Variants in ANK2 observed in about 807,000 individuals in gnomAD.
The protein encoded by ANK2 is ankyrin 2.
ANK2 carries 83 observed loss-of-function variants against 360.5 expected under a neutral mutation model. The observed-to-expected ratio is 0.23, with a 90% CI of 0.19 to 0.28. The LOEUF (loss-of-function observed/expected upper bound fraction) is 0.28, where lower values mean the gene tolerates loss of function less well. Among genes scored for constraint, ANK2 ranks in the 10% least tolerant of loss-of-function variants. The pLI is 1.00. For missense variants in ANK2, 4,201 were observed against 4,795.7 expected, an observed-to-expected ratio of 0.88 and a Z score of 3.66; for synonymous variants, 1,740 against 1,759.5, an observed-to-expected ratio of 0.99 and a Z score of 0.28.
intron 1 of ANK2, among the ~76,000 whole-genome samples, chr4:113,123,129 A>G (rs971673379): frequency 2.6e-5 from 4 of 151,914 alleles, no homozygotes; most frequent in Non-Finnish European, 5.9e-5. Flanking sequence ...TGGAATCTAA[A>G]ATCTTATACA....
chr4:113,083,571 G>A (rs1178753044), intron 1 of ANK2, among the ~76,000 whole-genome samples: 1 of 152,108 alleles, frequency 6.6e-6, no homozygotes, highest in Non-Finnish European at 1.5e-5. Context: ...CATCACTGTT[G>A]GGTATAAGGA....
In ANK2 at chr4:113,355,683, C is replaced by G; in HGVS notation, c.7065C>G (p.Thr2355=). ...EEAACDEGQR[T]FGSSAHKTQT... is the part of the protein sequence containing the mutation. ...CAGCCTGTGATGAAGGTCAACGTAC[C>G]TTTGGTAGTTCAGCCCACAAGACAC... The change falls in exon 38 of 46, where the codon ACC becomes ACG. Residue 2355 remains threonine, a synonymous_variant. Coordinates refer to ENST00000357077, the MANE Select transcript of ANK2 (RefSeq NM_001148.6). 1 of 1,614,116 alleles carries G rather than the reference C, an allele frequency of 6.2e-7. No individual in the cohort carries two copies. The highest frequency in any genetic ancestry group is 8.5e-7 in the Non-Finnish European group (1 of 1,179,988).
At chr4:113,143,135 A>G (rs1233404816) in intron 1 of ANK2, among the ~76,000 whole-genome samples, 2 of 152,172 alleles carry the variant, frequency 1.3e-5, no homozygotes, top group African/African-American at 4.8e-5. Context: ...ATATTTAGGT[A>G]TGGGAGGACA....
chr4:113,099,246 G>C (rs2092342966), intron 1 of ANK2, among the ~76,000 whole-genome samples: 1 of 117,808 alleles, frequency 8.5e-6, no homozygotes, highest in Admixed American at 8.5e-5. Flanking sequence ...TGTCTATGTA[G>C]AAAATCCCAA....
At chr4:112,991,851 T>A (rs142930063) in intron 2 of ANK2, among the ~76,000 whole-genome samples, 2 of 150,584 alleles carry the variant, frequency 1.3e-5, no homozygotes, top group East Asian at 3.9e-4. Context: ...TCAGCCAAGT[T>A]TTTTTTTTTC....
intron 1 of ANK2, among the ~76,000 whole-genome samples, chr4:113,138,251 A>C (rs1474142348): frequency 6.6e-6 from 1 of 152,212 alleles, no homozygotes; most frequent in Non-Finnish European, 1.5e-5. Context: ...TCTTTGAAAT[A>C]AAATGAATTT....
At chr4:113,111,406 T>A (rs918352940) in intron 1 of ANK2, among the ~76,000 whole-genome samples, 6 of 152,146 alleles carry the variant, frequency 3.9e-5, no homozygotes, top group African/African-American at 1.4e-4. Context: ...AATTTCTTCA[T>A]GGATAAAGGC....
chr4:113,147,107 G>A (rs1454053469), intron 1 of ANK2, among the ~76,000 whole-genome samples: 1 of 152,124 alleles, frequency 6.6e-6, no homozygotes, highest in Non-Finnish European at 1.5e-5. Flanking sequence ...GCAGTGAACA[G>A]AAAGCCCTGT....
intron 4 of ANK2, chr4:113,213,968 AT>A: frequency 5.3e-5 from 26 of 493,482 alleles, no homozygotes; most frequent in Middle Eastern, 5.3e-4. Context: ...TTTTTTTTTT[AT>A]TTTTTTTTTA....
At chr4:113,007,680 C>A (rs1163369282) in intron 2 of ANK2, among the ~76,000 whole-genome samples, 2 of 151,988 alleles carry the variant, frequency 1.3e-5, no homozygotes, top group African/African-American at 2.4e-5. Flanking sequence ...GAAATTTGTA[C>A]CTTAAACTAC....
In ANK2 at chr4:113,004,736, A is replaced by G. The variant is rs905962998; in HGVS notation, c.21+100222A>G. Among the ~76,000 whole-genome samples, 4 of 152,214 alleles carry G rather than the reference A, an allele frequency of 2.6e-5. No individual in the cohort carries two copies. In the East Asian group the frequency reaches 7.7e-4, roughly 29 times the overall value. ...TATACTGTACCTAATTGTATATGCTATTATTTCATACAACTGGCAGTGCAG... is the reference window on the plus strand; with the variant it reads ...TATACTGTACCTAATTGTATATGCTGTTATTTCATACAACTGGCAGTGCAG... On this transcript the variant is annotated intron_variant, in intron 2 of 30. Coordinates refer to the ANK2 transcript ENST00000503271.
intron 2 of ANK2, among the ~76,000 whole-genome samples, chr4:113,035,842 G>C (rs1041989583): frequency 6.6e-6 from 1 of 151,864 alleles, no homozygotes; most frequent in Admixed American, 6.6e-5. Context: ...TTTTATACTG[G>C]ATATGAGAAA....
At chr4:112,726,475 A>G in the ANK2 span, among the ~76,000 whole-genome samples, 38,381 of 152,044 alleles carry the variant, frequency 0.25, 5,777 homozygotes, top group Non-Finnish European at 0.34. Context: ...TGTATTCAGT[A>G]TTATTCTTCT....
At chr4:112,751,329 A>G in the ANK2 span, among the ~76,000 whole-genome samples, 2 of 152,216 alleles carry the variant, frequency 1.3e-5, no homozygotes, top group Non-Finnish European at 2.9e-5. Context: ...TTTAAAATAT[A>G]GTAGCACAGT....
At chr4:113,378,187 G>T in intron 45 of ANK2, 1 of 1,232,818 alleles carries the variant, frequency 8.1e-7, no homozygotes, top group Non-Finnish European at 1.1e-6. Context: ...AAAAGGTTTG[G>T]GTTAGCATGG....
chr4:113,189,686 TC>T (rs2098620528), intron 2 of ANK2, among the ~76,000 whole-genome samples: 1 of 152,190 alleles, frequency 6.6e-6, no homozygotes, highest in South Asian at 2.1e-4. Flanking sequence ...AGTTCTAGCC[TC>T]CCTTTTTGCT....
intron 21 of ANK2, chr4:113,292,844 A>G (rs977510588): frequency 1.2e-5 from 5 of 400,808 alleles, no homozygotes; most frequent in Non-Finnish European, 2.4e-5. Context: ...TTAAGGGAGC[A>G]CAGTAAGGGA....
chr4:113,090,423 A>G (rs2087285970), intron 1 of ANK2, among the ~76,000 whole-genome samples: 1 of 152,206 alleles, frequency 6.6e-6, no homozygotes, highest in African/African-American at 2.4e-5. Context: ...AGGGATGAAT[A>G]GGTGAGACGT....
Position 113,214,888 on chromosome 4 carries a change from A to G in ANK2, c.384+15779A>G, listed in dbSNP as rs2099068816. 2.0e-5 allele frequency among the ~76,000 whole-genome samples: 3 copies of G among 152,324 alleles called. No individual in the cohort carries two copies. The South Asian group carries it at 6.2e-4, about 32-fold the overall frequency. On this transcript the variant is annotated intron_variant, in intron 4 of 45. Coordinates refer to ENST00000357077, the MANE Select transcript of ANK2 (RefSeq NM_001148.6). ...TTTCACTTACAAAAAGTGGCCCTTTAGAATGGTGGATTTGCAGGAATCAAA... is the reference window on the plus strand; with the variant it reads ...TTTCACTTACAAAAAGTGGCCCTTTGGAATGGTGGATTTGCAGGAATCAAA...
Sources: gnomAD v4.1 joint callset for allele counts (sites outside exome capture counted in the v4.1 genomes callset) on GRCh38, gnomAD v4.1.1 for gene constraint, MANE v1.5 for transcripts, NCBI Gene and HGNC (gene_info 2026-07-23, HGNC 2026-07-21) for gene names.